CACNA1C: variants seen among roughly 807,000 people sequenced by gnomAD.
CACNA1C encodes calcium voltage-gated channel subunit alpha1 C.
Under a neutral mutation model 229.0 loss-of-function variants are expected in CACNA1C, and 30 were observed. That is an observed-to-expected ratio of 0.13 (90% CI 0.10 to 0.18). The LOEUF is 0.18. Among genes scored for constraint, CACNA1C ranks in the 10% least tolerant of loss-of-function variants. The probability of loss-of-function intolerance (pLI) is 1.00; values close to 1 mark genes in which losing one functional copy is unlikely to be tolerated. For missense variants in CACNA1C, 1,658 were observed against 2,845.0 expected, an observed-to-expected ratio of 0.58 and a Z score of 9.49; for synonymous variants, 1,114 against 1,132.5, an observed-to-expected ratio of 0.98 and a Z score of 0.33.
At chr12:2,572,355 T>TCTC (rs2055325762) in intron 13 of CACNA1C, among the ~76,000 whole-genome samples, 1 of 101,984 alleles carries the variant, frequency 9.8e-6, no homozygotes, top group Non-Finnish European at 2.0e-5. Flanking sequence ...CTCCTCCTCC[T>TCTC]CTCCTCCTCC....
At chr12:2,674,369 G>C in intron 38 of CACNA1C, 172 bp from the exon 39 acceptor site, 2 of 908,634 alleles carry the variant, frequency 2.2e-6, no homozygotes, top group South Asian at 3.9e-5. Flanking sequence ...AAGGGGAAGA[G>C]GAAGGAGGTG....
At chr12:2,554,199 T>C (rs966888405) in intron 10 of CACNA1C, among the ~76,000 whole-genome samples, 7 of 152,066 alleles carry the variant, frequency 4.6e-5, no homozygotes, top group Non-Finnish European at 8.8e-5. Context: ...AAAAAGGAGT[T>C]TGGGGTTTGT....
At chr12:2,272,078 C>G (rs1196650571) in intron 3 of CACNA1C, among the ~76,000 whole-genome samples, 1 of 152,172 alleles carries the variant, frequency 6.6e-6, no homozygotes, top group African/African-American at 2.4e-5. Flanking sequence ...CAGTGTTCCC[C>G]AAGCATCTCT....
chr12:2,195,892 A>T (rs1309805796), intron 3 of CACNA1C, among the ~76,000 whole-genome samples: 1 of 152,170 alleles, frequency 6.6e-6, no homozygotes. Context: ...GCATCCCTGG[A>T]GATCCCAGCC....
intron 4 of CACNA1C, among the ~76,000 whole-genome samples, chr12:2,453,641 C>T (rs1204836672): frequency 6.6e-6 from 1 of 152,172 alleles, no homozygotes; most frequent in Non-Finnish European, 1.5e-5. Context: ...CTTTGTGCAT[C>T]CTCTGATCTA....
At chr12:2,136,061 C>T (rs1009550948) in intron 3 of CACNA1C, among the ~76,000 whole-genome samples, 2 of 150,796 alleles carry the variant, frequency 1.3e-5, no homozygotes, top group East Asian at 1.9e-4. Flanking sequence ...GTGGGAGTGA[C>T]CCAATTTTCC....
chr12:2,559,260 T>C (rs2046225836), intron 11 of CACNA1C, among the ~76,000 whole-genome samples: 1 of 152,210 alleles, frequency 6.6e-6, no homozygotes, highest in African/African-American at 2.4e-5. Context: ...TGCAAGTGAG[T>C]AAATCATAAA....
At chr12:2,682,923 C>T (rs888520005) in intron 43 of CACNA1C, among the ~76,000 whole-genome samples, 1 of 244 alleles carries the variant, frequency 4.1e-3, no homozygotes, top group Non-Finnish European at 0.01. Context: ...TACACGATGC[C>T]CTTTTTAGCT....
chr12:2,166,139 C>G (rs2096214268), intron 3 of CACNA1C, among the ~76,000 whole-genome samples: 1 of 152,188 alleles, frequency 6.6e-6, no homozygotes, highest in South Asian at 2.1e-4. Flanking sequence ...TACATCAGCC[C>G]TCAGCTTTCC....
intron 3 of CACNA1C, among the ~76,000 whole-genome samples, chr12:2,297,881 C>A (rs1003309465): frequency 6.6e-6 from 1 of 152,104 alleles, no homozygotes; most frequent in Non-Finnish European, 1.5e-5. Flanking sequence ...TAAAACCACA[C>A]ACACACACAC....
intron 4 of CACNA1C, among the ~76,000 whole-genome samples, chr12:2,455,462 C>T (rs1016405409): frequency 8.5e-5 from 13 of 152,138 alleles, no homozygotes; most frequent in African/African-American, 2.4e-4. Context: ...AATATTTTGG[C>T]TATGTCGGGT....
chr12:2,392,582 T>C (rs1386213302), intron 3 of CACNA1C, among the ~76,000 whole-genome samples: 2 of 152,212 alleles, frequency 1.3e-5, no homozygotes, highest in South Asian at 2.1e-4. Flanking sequence ...CATTCCTCCC[T>C]GAGCTATTTT....
chr12:2,136,249 C>A (rs1288830332), intron 3 of CACNA1C, among the ~76,000 whole-genome samples: 1 of 151,400 alleles, frequency 6.6e-6, no homozygotes, highest in Non-Finnish European at 1.5e-5. Context: ...CAGAAATCAC[C>A]CGTCTTCTGC....
chr12:2,217,886 C>A (rs1382987782), intron 3 of CACNA1C: 2 of 152,172 alleles, frequency 1.3e-5, no homozygotes, highest in Admixed American at 1.3e-4. Context: ...GGTGCCAGGT[C>A]CCTGCTCAGG....
At chr12:2,313,224 T>G (rs774509334) in intron 3 of CACNA1C, among the ~76,000 whole-genome samples, 2 of 152,158 alleles carry the variant, frequency 1.3e-5, no homozygotes, top group Non-Finnish European at 2.9e-5. Context: ...GTTAAAGAGA[T>G]GTATGCTGTG....
At chr12:1,995,053 A>G (rs1161675844) in intron 1 of CACNA1C, among the ~76,000 whole-genome samples, 6 of 152,180 alleles carry the variant, frequency 3.9e-5, no homozygotes, top group Non-Finnish European at 8.8e-5. Flanking sequence ...TGGAGAAAAG[A>G]CTAAAAAACA....
At chr12:2,450,722 C>G (rs150453662) in intron 4 of CACNA1C, among the ~76,000 whole-genome samples, 1 of 152,102 alleles carries the variant, frequency 6.6e-6, no homozygotes, top group Non-Finnish European at 1.5e-5. Context: ...TGGCTGCCAC[C>G]TTGGACTCTC....
intron 5 of CACNA1C, among the ~76,000 whole-genome samples, chr12:2,482,380 C>T (rs950814385): frequency 6.6e-6 from 1 of 152,236 alleles, no homozygotes; most frequent in Non-Finnish European, 1.5e-5. Flanking sequence ...AAGCCATGGG[C>T]TAGGAGCCAG....
chr12:2,017,873 T>G (rs546764065), intron 1 of CACNA1C, among the ~76,000 whole-genome samples: 1 of 152,232 alleles, frequency 6.6e-6, no homozygotes, highest in South Asian at 2.1e-4. Flanking sequence ...AGGCTCCCAT[T>G]TTGGCTTGAA....
Sources: allele counts gnomAD v4.1 joint callset (sites outside exome capture counted in the v4.1 genomes callset), GRCh38; gene constraint gnomAD v4.1.1; transcripts MANE v1.5; gene names NCBI Gene and HGNC (gene_info 2026-07-23, HGNC 2026-07-21).